Variants in LIPH observed in about 807,000 individuals in gnomAD.
The protein encoded by LIPH is lipase H.
LIPH carries 32 observed loss-of-function variants against 47.6 expected under a neutral mutation model. The ratio of observed to expected loss-of-function variants is 0.67; its 90% CI spans 0.51 to 0.90. The LOEUF (loss-of-function observed/expected upper bound fraction) is 0.90. LIPH is among the 40% of genes least tolerant of loss of function. LIPH has a pLI of 0.00. For synonymous variants in LIPH, 190 were observed against 195.6 expected, an observed-to-expected ratio of 0.97 and a Z score of 0.24; for missense variants, 497 against 541.4, an observed-to-expected ratio of 0.92 and a Z score of 0.81.
At chr3:185,511,021 G>A (rs1719544783) in intron 9 of LIPH, among the ~76,000 whole-genome samples, 1 of 151,918 alleles carries the variant, frequency 6.6e-6, no homozygotes, top group Non-Finnish European at 1.5e-5. Flanking sequence ...AATTTTCTTG[G>A]ATTACTGGGC....
intron 7 of LIPH, among the ~76,000 whole-genome samples, chr3:185,516,846 A>G (rs1223740269): frequency 6.6e-6 from 1 of 152,228 alleles, no homozygotes; most frequent in Non-Finnish European, 1.5e-5. Flanking sequence ...TATTACCCCC[A>G]TTTGACCAGT....
chr3:185,533,757 G>A (rs1720414471), intron 2 of LIPH, 78 bp from the exon 3 acceptor site: 1 of 932,712 alleles, frequency 1.1e-6, no homozygotes. Flanking sequence ...CCTGGCTGTT[G>A]ACTTTGGAGA....
At chr3:185,541,953 C>G (rs1452127555) in intron 1 of LIPH, among the ~76,000 whole-genome samples, 1 of 150,552 alleles carries the variant, frequency 6.6e-6, no homozygotes, top group Non-Finnish European at 1.5e-5. Context: ...GACAGGTTTT[C>G]GCCATGTTGG....
At chr3:185,538,918 C>CATATATAT (rs1180338830) in intron 1 of LIPH, among the ~76,000 whole-genome samples, 28 of 144,614 alleles carry the variant, frequency 1.9e-4, no homozygotes, top group African/African-American at 7.0e-4. Context: ...CACATATATA[C>CATATATAT]ACATATACAC....
rs538229308 is a variant in LIPH at position 185,534,676 on chromosome 3, T to C, written c.417+89A>G. 898 of 1,380,678 alleles carry C rather than the reference T, an allele frequency of 6.5e-4. 18 individuals are homozygous for C. In the South Asian group the frequency reaches 0.01, roughly 16 times the overall value. 85.5% of individuals were successfully genotyped at this position (1,380,678 alleles called of 1,614,324 possible). A position where few individuals can be genotyped will look rare whatever the true frequency, so the allele number is the denominator to read the frequency against. ...GCAAAATGTTGCAATATAGGCCTCC[T>C]GCTCACTGTAGCTATCTCTTGGCTT... On this transcript the variant is annotated intron_variant, in intron 2 of 9. Coordinates refer to ENST00000296252, the MANE Select transcript of LIPH (RefSeq NM_139248.3).
chr3:185,525,413 G>C (rs1239824701), intron 4 of LIPH, among the ~76,000 whole-genome samples: 1 of 152,044 alleles, frequency 6.6e-6, no homozygotes, highest in Non-Finnish European at 1.5e-5. Flanking sequence ...ACCCACATGT[G>C]TCTCTGGGCA....
chr3:185,530,069 AG>A (rs1404619477), intron 3 of LIPH, among the ~76,000 whole-genome samples: 1 of 152,130 alleles, frequency 6.6e-6, no homozygotes, highest in Non-Finnish European at 1.5e-5. Flanking sequence ...GGGGAGATGG[AG>A]AGAAAGCTGA....
chr3:185,522,650 AAAAGAAAG>A (rs59353669), intron 5 of LIPH, among the ~76,000 whole-genome samples: 1,435 of 141,974 alleles, frequency 0.01, 28 homozygotes, highest in African/African-American at 0.022. Flanking sequence ...GAGAGAAAGA[AAAAGAAAG>A]AAAGAAAGAA....
chr3:185,520,641 A>G (rs910588084), intron 5 of LIPH, among the ~76,000 whole-genome samples: 3 of 152,136 alleles, frequency 2.0e-5, no homozygotes, highest in African/African-American at 4.8e-5. Context: ...TCAGTCATGG[A>G]GCTCTCTCAC....
intron 1 of LIPH, among the ~76,000 whole-genome samples, chr3:185,548,703 G>T (rs2148967309): frequency 6.6e-6 from 1 of 152,092 alleles, no homozygotes; most frequent in Admixed American, 6.5e-5. Context: ...CTCTAGCCTG[G>T]GCGAGACAGA....
intron 3 of LIPH, among the ~76,000 whole-genome samples, chr3:185,528,666 C>A (rs978646050): frequency 3.3e-5 from 5 of 152,130 alleles, no homozygotes; most frequent in Non-Finnish European, 7.3e-5. Flanking sequence ...ACTCACTGGT[C>A]AGGCCAGGTA....
chr3:185,540,838 TC>T (rs745663162), intron 1 of LIPH, among the ~76,000 whole-genome samples: 2 of 152,100 alleles, frequency 1.3e-5, no homozygotes, highest in Non-Finnish European at 2.9e-5. Context: ...AATATATCTA[TC>T]CACACTTAAT....
At chr3:185,546,406 T>A (rs980427915) in intron 1 of LIPH, among the ~76,000 whole-genome samples, 1 of 149,956 alleles carries the variant, frequency 6.7e-6, no homozygotes, top group Admixed American at 6.7e-5. Context: ...CAGGCCTATA[T>A]AGTCCCAGCT....
intron 1 of LIPH, among the ~76,000 whole-genome samples, chr3:185,543,000 G>C (rs1385462709): frequency 1.3e-5 from 2 of 152,108 alleles, no homozygotes; most frequent in Admixed American, 6.6e-5. Context: ...TTTGAGGTCA[G>C]GAGTTCGAGA....
rs191380118 is a variant in LIPH at position 185,508,691 on chromosome 3, A to G, written c.*99T>C. ...ACTGAAAAAAGCCTTGGTTTTTTTC[A>G]TACTTTTTCTGCCTTGCAGAAAGGT... On this transcript the variant is annotated 3_prime_UTR_variant, in exon 10 of 10. Transcript: ENST00000296252. The G allele has an allele frequency of 6.3e-4, 552 of 876,194 alleles. 3 individuals are homozygous for G. In the African/African-American group the frequency reaches 8.2e-3, roughly 13 times the overall value. The allele number at this position is 876,194 out of a possible 1,614,324, so 54.3% of individuals were successfully genotyped here. A position where few individuals can be genotyped will look rare whatever the true frequency, so the allele number is the denominator to read the frequency against.
intron 1 of LIPH, among the ~76,000 whole-genome samples, chr3:185,541,059 T>A (rs1003734976): frequency 2.0e-5 from 3 of 152,220 alleles, no homozygotes; most frequent in Non-Finnish European, 4.4e-5. Context: ...ATTAACACAC[T>A]TAATACTTCT....
At chr3:185,543,852 T>C (rs1720788153) in intron 1 of LIPH, among the ~76,000 whole-genome samples, 2 of 150,078 alleles carry the variant, frequency 1.3e-5, no homozygotes, top group Non-Finnish European at 3.0e-5. Context: ...CTTGCTTTTT[T>C]TTTTTTTTTT....
At chr3:185,519,633 C>T (rs1261727170) in intron 5 of LIPH, among the ~76,000 whole-genome samples, 5 of 151,776 alleles carry the variant, frequency 3.3e-5, no homozygotes, top group South Asian at 2.1e-4. Flanking sequence ...GTCAGGAGTT[C>T]GAAACCAGCC....
At chr3:185,519,091 C>T (rs1457013507) in intron 6 of LIPH, 51 bp downstream of exon 6, 6 of 1,511,860 alleles carry the variant, frequency 4.0e-6, no homozygotes, top group Non-Finnish European at 4.6e-6. Flanking sequence ...GGGATTCATA[C>T]CAAAAATTAG....
Sources: gnomAD v4.1 joint callset for allele counts (sites outside exome capture counted in the v4.1 genomes callset) on GRCh38, gnomAD v4.1.1 for gene constraint, MANE v1.5 for transcripts, NCBI Gene and HGNC (gene_info 2026-07-23, HGNC 2026-07-21) for gene names.